The following KHDRBS2 variants were observed in gnomAD, a reference collection of about 807,000 sequenced individuals.
KHDRBS2 encodes the protein KH domain-containing, RNA-binding, signal transduction-associated protein 2.
KHDRBS2 carries 26 observed loss-of-function variants against 44.3 expected under a neutral mutation model. The ratio of observed to expected loss-of-function variants is 0.59; its 90% CI spans 0.43 to 0.81. The LOEUF (loss-of-function observed/expected upper bound fraction) is 0.81, where lower values mean the gene tolerates loss of function less well. Ranked by LOEUF, KHDRBS2 falls within the 40% of genes least tolerant of loss-of-function variation. The pLI is 0.00. For missense variants in KHDRBS2, 476 were observed against 433.1 expected (o/e 1.10, Z -0.88); for synonymous variants, 194 against 151.1 (o/e 1.28, Z -2.08).
At chr6:61,795,159 AAAAAAAAAAAAG>A (rs1253038352) in intron 6 of KHDRBS2, among the ~76,000 whole-genome samples, 6 of 151,544 alleles carry the variant, frequency 4.0e-5, no homozygotes, top group African/African-American at 1.4e-4. Context: ...AAAAAAAAAA[AAAAAAAAAAAAG>A]AAAAACATAT....
At chr6:62,135,956 A>T (rs1420334399) in intron 2 of KHDRBS2, among the ~76,000 whole-genome samples, 1 of 152,138 alleles carries the variant, frequency 6.6e-6, no homozygotes, top group Non-Finnish European at 1.5e-5. Context: ...GTTATCTCAG[A>T]TGAATAAATT....
chr6:62,275,812 C>CT (rs1840845968), intron 1 of KHDRBS2, among the ~76,000 whole-genome samples: 1 of 152,070 alleles, frequency 6.6e-6, no homozygotes, highest in Non-Finnish European at 1.5e-5. Flanking sequence ...TGATTTATTG[C>CT]TTTTTAAAAA....
chr6:61,901,732 CT>C (rs879323388), intron 4 of KHDRBS2, among the ~76,000 whole-genome samples: 5 of 152,040 alleles, frequency 3.3e-5, no homozygotes, highest in Non-Finnish European at 5.9e-5. Flanking sequence ...TACAAAATAA[CT>C]TCATTTGAAT....
chr6:61,778,889 A>C (rs750443069), intron 6 of KHDRBS2, among the ~76,000 whole-genome samples: 35 of 152,194 alleles, frequency 2.3e-4, no homozygotes, highest in Non-Finnish European at 4.3e-4. Context: ...TTGCTTCTGT[A>C]GCCTTATCTT....
At chr6:62,164,000 A>G (rs1424692047) in intron 2 of KHDRBS2, among the ~76,000 whole-genome samples, 1 of 152,000 alleles carries the variant, frequency 6.6e-6, no homozygotes, top group African/African-American at 2.4e-5. Flanking sequence ...TAAGCACCAT[A>G]TCTACTCATA....
At chr6:61,652,267 C>G in the KHDRBS2 span, 1 of 151,928 alleles carries the variant, frequency 6.6e-6, no homozygotes, top group Non-Finnish European at 1.5e-5. Context: ...CTGTTAGGCT[C>G]TGTGTCAGGC....
chr6:61,646,236 A>T, the KHDRBS2 span, among the ~76,000 whole-genome samples: 1 of 152,102 alleles, frequency 6.6e-6, no homozygotes, highest in African/African-American at 2.4e-5. Flanking sequence ...GTTTTTAGTT[A>T]TAGGAATGTT....
At position 62,216,583 on chromosome 6, in the gene KHDRBS2, C is replaced by T. The variant is rs114394194; in HGVS notation, c.92-39271G>A. 2.8e-3 allele frequency among the ~76,000 whole-genome samples: 429 copies of T among 151,230 alleles called. 8 individuals are homozygous for T. Among genetic ancestry groups the T allele is most frequent in the African/African-American group, 0.01 (416 of 41,328 alleles). ...TGTGAAAGTGAAGTTCCACAGGAGT[C>T]TTTATAATGATGCACTGAGATGGTG... On this transcript the variant is annotated intron_variant, in intron 1 of 8. Coordinates refer to ENST00000281156, the MANE Select transcript of KHDRBS2 (RefSeq NM_152688.4).
intron 7 of KHDRBS2, among the ~76,000 whole-genome samples, chr6:61,719,624 A>C (rs1772039044): frequency 6.6e-6 from 1 of 152,092 alleles, no homozygotes. Context: ...TTGCATAATC[A>C]ACTCATCAAT....
At chr6:61,688,390 G>A (rs1462669025) in intron 8 of KHDRBS2, among the ~76,000 whole-genome samples, 1 of 151,892 alleles carries the variant, frequency 6.6e-6, no homozygotes, top group Non-Finnish European at 1.5e-5. Context: ...TCAAAAGACT[G>A]CGGAATTCAG....
At chr6:61,748,120 G>A (rs1777123716) in intron 6 of KHDRBS2, among the ~76,000 whole-genome samples, 1 of 152,066 alleles carries the variant, frequency 6.6e-6, no homozygotes, top group Non-Finnish European at 1.5e-5. Context: ...CTCCCAAGTA[G>A]CTGCGATTAC....
chr6:62,270,516 C>G (rs1414821795), intron 1 of KHDRBS2, among the ~76,000 whole-genome samples: 2 of 151,824 alleles, frequency 1.3e-5, no homozygotes, highest in Non-Finnish European at 2.9e-5. Context: ...TTGAGTATTC[C>G]TTTATAACAA....
At chr6:62,120,021 T>C (rs375499025) in intron 2 of KHDRBS2, among the ~76,000 whole-genome samples, 3 of 152,176 alleles carry the variant, frequency 2.0e-5, no homozygotes, top group Admixed American at 2.0e-4. Context: ...GGCATGGGAA[T>C]GGATATTAAG....
the KHDRBS2 span, among the ~76,000 whole-genome samples, chr6:61,607,037 C>A: frequency 6.6e-6 from 1 of 151,890 alleles, no homozygotes; most frequent in Non-Finnish European, 1.5e-5. Flanking sequence ...TCAAATAACA[C>A]CTGACAAAAT....
At chr6:61,955,188 T>TGTA (rs1766402898) in intron 4 of KHDRBS2, among the ~76,000 whole-genome samples, 1 of 133,048 alleles carries the variant, frequency 7.5e-6, no homozygotes, top group South Asian at 2.4e-4. Context: ...ACACATACGT[T>TGTA]TGTATGTATA....
At chr6:61,651,236 C>A in the KHDRBS2 span, among the ~76,000 whole-genome samples, 2 of 152,038 alleles carry the variant, frequency 1.3e-5, no homozygotes, top group Non-Finnish European at 2.9e-5. Flanking sequence ...ATTTGAAATG[C>A]ATGGGAATAG....
chr6:61,831,585 G>A (rs1360246696), intron 6 of KHDRBS2, among the ~76,000 whole-genome samples: 12 of 151,988 alleles, frequency 7.9e-5, no homozygotes, highest in Non-Finnish European at 1.6e-4. Flanking sequence ...AACCTTCATA[G>A]TATAACCCAA....
chr6:61,690,252 T>C (rs751044527), intron 8 of KHDRBS2, among the ~76,000 whole-genome samples: 14 of 151,968 alleles, frequency 9.2e-5, no homozygotes, highest in African/African-American at 3.4e-4. Flanking sequence ...CATGTTCATA[T>C]TTTGTATTCT....
At chr6:61,548,904 C>T in the KHDRBS2 span, among the ~76,000 whole-genome samples, 2 of 152,072 alleles carry the variant, frequency 1.3e-5, no homozygotes, top group Non-Finnish European at 2.9e-5. Context: ...GCATCTCTTT[C>T]CAACTCCAAC....
Sources: allele counts gnomAD v4.1 joint callset (sites outside exome capture counted in the v4.1 genomes callset), GRCh38; gene constraint gnomAD v4.1.1; transcripts MANE v1.5; gene names NCBI Gene and HGNC (gene_info 2026-07-23, HGNC 2026-07-21).